The following MED14 variants were observed in gnomAD, a reference collection of about 807,000 sequenced individuals.
MED14 encodes mediator of RNA polymerase II transcription subunit 14.
A neutral mutation model predicts 109.0 loss-of-function variants in MED14; 8 were observed. That is an observed-to-expected ratio of 0.07 (90% CI 0.04 to 0.13). The LOEUF is 0.13. MED14 is among the 10% of genes least tolerant of loss of function. The pLI is 1.00. For synonymous variants in MED14, 399 were observed against 408.7 expected (o/e 0.98, Z 0.29); for missense variants, 711 against 1,142.4 (o/e 0.62, Z 5.44).
At chrX:40,689,853 T>C (rs1163340633) in intron 15 of MED14, among the ~76,000 whole-genome samples, 1 of 112,031 alleles carries the variant, frequency 8.9e-6, no homozygotes, top group Non-Finnish European at 1.9e-5. Flanking sequence ...TTTTAAGAGC[T>C]TGACTGAGTT....
chrX:40,701,049 G>T (rs965043205), intron 12 of MED14, 116 bp downstream of exon 12: 46 of 462,344 alleles, frequency 9.9e-5, no homozygotes, highest in African/African-American at 8.6e-4. Context: ...CGGCACTTAA[G>T]TTTCATGTCA....
chrX:40,692,755 A>G lies in MED14; in HGVS notation c.1798T>C (p.Phe600Leu), dbSNP rs761464677. The G allele has an allele frequency of 1.7e-6, 2 of 1,209,858 alleles. No homozygotes were observed. The highest frequency in any genetic ancestry group is 3.5e-5 in the African/African-American group (2 of 57,736). ...GTCTGTTTCCCGGTTTTTGTACGAA[A>G]AACCAAGTCCTGAATGTTTTCCTTG... ...QFKENIQDLV[F>L]RTKTGKQTRT... is the part of the protein sequence containing the mutation. Residue 600 changes from phenylalanine (F) to leucine (L), a missense_variant, in exon 14 of 31, where the codon TTT (phenylalanine) becomes CTT (leucine). This residue lies in a region of MED14 where 388 missense variants were observed against 517.3 expected (regional missense o/e 0.75). Transcript: ENST00000324817.
In MED14 at chrX:40,697,153, C is replaced by A; in HGVS notation, c.1521G>T (p.Gln507His). The A allele has an allele frequency of 8.4e-7, 1 of 1,197,087 alleles. No homozygotes were observed. Among genetic ancestry groups the A allele is most frequent in the Non-Finnish European group, 1.1e-6 (1 of 882,895 alleles). Residue 507 changes from glutamine (Q) to histidine (H), a missense_variant, in exon 13 of 31, where the codon CAG becomes CAT. Physicochemically the swap from Gln to His is conservative, Grantham distance 24 (BLOSUM62 0). This residue lies in a region of MED14 where 388 missense variants were observed against 517.3 expected (regional missense o/e 0.75). Transcript: ENST00000324817. ...KFWLGQQRCK[Q>H]SIKHLPTISS... is the part of the protein sequence containing the mutation. ...TTATCGTAGGCAGATGTTTTATAGA[C>A]TGCTTGCAACGCTGTTGTCCAAGCC... is the stretch of plus-strand genomic sequence containing the variant.
chrX:40,681,215 AAG>A (rs775197555), intron 19 of MED14, among the ~76,000 whole-genome samples: 16 of 111,999 alleles, frequency 1.4e-4, no homozygotes, highest in African/African-American at 5.2e-4. Context: ...TGAACTGAAG[AAG>A]AGTCACACTT....
intron 13 of MED14, among the ~76,000 whole-genome samples, chrX:40,693,707 A>G (rs1233778780): frequency 1.8e-5 from 2 of 111,302 alleles, no homozygotes; most frequent in African/African-American, 6.5e-5. Context: ...TAAGGCAGAG[A>G]AAAATGACAA....
intron 30 of MED14, among the ~76,000 whole-genome samples, chrX:40,653,324 TAGA>T (rs995843146): frequency 8.1e-5 from 9 of 111,731 alleles, no homozygotes; most frequent in Non-Finnish European, 1.7e-4. Context: ...TTGTAAGAAG[TAGA>T]AGAAGTATTA....
intron 23 of MED14, among the ~76,000 whole-genome samples, chrX:40,671,178 C>A (rs1313066417): frequency 1.8e-5 from 2 of 111,660 alleles, no homozygotes; most frequent in Non-Finnish European, 3.8e-5. Flanking sequence ...AGCTTCCTCG[C>A]TAGATGATAA....
chrX:40,688,890 T>C (rs1449591755), intron 15 of MED14, among the ~76,000 whole-genome samples: 2 of 112,431 alleles, frequency 1.8e-5, no homozygotes, highest in Non-Finnish European at 3.7e-5. Context: ...TTCTGTTTGT[T>C]CAAAACAATG....
At chrX:40,674,765 C>T (rs1322090432) in intron 22 of MED14, among the ~76,000 whole-genome samples, 1 of 112,223 alleles carries the variant, frequency 8.9e-6, no homozygotes, top group Non-Finnish European at 1.9e-5. Flanking sequence ...CAGGACAGAA[C>T]TGAAAGCTCT....
chrX:40,669,366 A>C (rs1929637668), intron 23 of MED14, among the ~76,000 whole-genome samples: 1 of 111,322 alleles, frequency 9.0e-6, no homozygotes, highest in Admixed American at 9.5e-5. Context: ...CTACTTCCCC[A>C]CTGACCACTG....
Position 40,692,891 on chromosome X carries a change from C to A in MED14, c.1662G>T (p.Met554Ile), listed in dbSNP as rs969047467. 8.6e-7 allele frequency: 1 copy of A among 1,164,090 alleles called. No homozygotes were observed. Residue 554 changes from methionine to isoleucine, a missense_variant, in exon 14 of 31, where the codon ATG (methionine) becomes ATT (isoleucine). This residue lies in a region of MED14 where 388 missense variants were observed against 517.3 expected (regional missense o/e 0.75). Coordinates refer to ENST00000324817, the MANE Select transcript of MED14 (RefSeq NM_004229.4). The part of the protein sequence containing the change: ...RLPQYYIVVE[M>I]LEVPNKPTQL... ...GTGTGGGTTTATTGGGAACCTCCAA[C>A]ATCTCCACAACCTAAAAATCCCAAA...
At chrX:40,682,098 T>C (rs890030870) in intron 18 of MED14, among the ~76,000 whole-genome samples, 155 bp from the exon 19 acceptor site, 1 of 111,733 alleles carries the variant, frequency 8.9e-6, no homozygotes, top group Non-Finnish European at 1.9e-5. Flanking sequence ...CACAAACAGA[T>C]AATATGCTTC....
intron 2 of MED14, among the ~76,000 whole-genome samples, chrX:40,727,687 C>T (rs1263533805): frequency 9.0e-6 from 1 of 111,374 alleles, no homozygotes; most frequent in Non-Finnish European, 1.9e-5. Context: ...AAAAAATATT[C>T]AACAAGCCAG....
At chrX:40,676,280 T>A (rs372477089) in intron 21 of MED14, among the ~76,000 whole-genome samples, 1 of 111,752 alleles carries the variant, frequency 8.9e-6, no homozygotes, top group Non-Finnish European at 1.9e-5. Context: ...TGAGACCCTG[T>A]CTCAAAAAAG....
intron 3 of MED14, among the ~76,000 whole-genome samples, chrX:40,718,375 G>A (rs925642561): frequency 7.8e-4 from 87 of 111,814 alleles, no homozygotes; most frequent in Middle Eastern, 4.7e-3. Context: ...AGACCTCCCC[G>A]GCAGAAAGAC....
At chrX:40,730,042 C>T (rs1005385961) in intron 1 of MED14, among the ~76,000 whole-genome samples, 3 of 111,944 alleles carry the variant, frequency 2.7e-5, no homozygotes, top group African/African-American at 9.8e-5. Flanking sequence ...ATTCTGTTAA[C>T]CTCTATCCCA....
chrX:40,712,391 T>A lies in MED14; in HGVS notation c.782-98A>T, dbSNP rs1479427169. The A allele has an allele frequency of 1.8e-5, 9 of 496,274 alleles. No homozygotes were observed. The South Asian group carries it at 2.2e-4, about 12-fold the overall frequency. The allele number at this position is 496,274 out of a possible 1,213,427, so 40.9% of individuals were successfully genotyped here. A position where few individuals can be genotyped will look rare whatever the true frequency, so the allele number is the denominator to read the frequency against. ...AGCACATAATAACAATGAATTTTTT[T>A]AAAAAGCACTGAAATTATCTACAGA... On this transcript the variant is annotated intron_variant, in intron 6 of 30. Transcript: ENST00000324817.
At chrX:40,713,750 C>A (rs1405452519) in intron 5 of MED14, 28 bp downstream of exon 5, 38 of 1,205,525 alleles carry the variant, frequency 3.2e-5, no homozygotes, top group Non-Finnish European at 4.3e-5. Flanking sequence ...GCCATCAACT[C>A]TTAAAAAAAT....
At chrX:40,704,691 C>T (rs1274931873) in intron 10 of MED14, among the ~76,000 whole-genome samples, 1 of 111,900 alleles carries the variant, frequency 8.9e-6, no homozygotes, top group East Asian at 2.8e-4. Flanking sequence ...ATGACATTAC[C>T]ATTGGTACTG....
Sources: allele counts gnomAD v4.1 joint callset (sites outside exome capture counted in the v4.1 genomes callset), GRCh38; gene constraint gnomAD v4.1.1; regional missense constraint gnomAD v4.1.1; transcripts MANE v1.5; gene names NCBI Gene and HGNC (gene_info 2026-07-23, HGNC 2026-07-21).